FAM20B: variants seen among roughly 807,000 people sequenced by gnomAD.
The protein encoded by FAM20B is FAM20B glycosaminoglycan xylosylkinase.
FAM20B carries 23 observed loss-of-function variants against 43.8 expected under a neutral mutation model. The observed-to-expected ratio is 0.53, with a 90% CI of 0.38 to 0.74. The LOEUF is 0.74. Ranked by LOEUF, FAM20B falls within the 30% of genes least tolerant of loss-of-function variation. FAM20B has a pLI of 0.00. For synonymous variants in FAM20B, 178 were observed against 192.4 expected (o/e 0.93, Z 0.62); for missense variants, 440 against 510.5 (o/e 0.86, Z 1.33).
At chr1:179,024,696 G>A (rs546115532), upstream of FAM20B, among the ~76,000 whole-genome samples, 1 of 152,316 alleles carries the variant, frequency 6.6e-6, no homozygotes, top group South Asian at 2.1e-4. Context: ...ATTGTCCGGA[G>A]CAAGTGTCAA....
upstream of FAM20B, among the ~76,000 whole-genome samples, chr1:179,024,575 G>A (rs1649680401): frequency 6.6e-6 from 1 of 152,090 alleles, no homozygotes; most frequent in African/African-American, 2.4e-5. Flanking sequence ...GCCAGAAAAC[G>A]ACCTCCAAAC....
chr1:179,048,175 G>T (rs752607829), intron 2 of FAM20B, among the ~76,000 whole-genome samples: 1 of 152,092 alleles, frequency 6.6e-6, no homozygotes, highest in Non-Finnish European at 1.5e-5. Flanking sequence ...AAAAGAACAA[G>T]AAGGCAGGGG....
At chr1:179,029,545 A>C (rs1030061593) in intron 1 of FAM20B, among the ~76,000 whole-genome samples, 1 of 152,218 alleles carries the variant, frequency 6.6e-6, no homozygotes, top group Non-Finnish European at 1.5e-5. Context: ...GTGTGAGATA[A>C]GAGAAAAATG....
chr1:179,050,787 C>A (rs1361740386), intron 3 of FAM20B, among the ~76,000 whole-genome samples: 2 of 152,124 alleles, frequency 1.3e-5, no homozygotes, highest in Non-Finnish European at 2.9e-5. Flanking sequence ...TTTTATTATT[C>A]TTTATACAAA....
chr1:179,071,063 G>C (rs1359795499), intron 7 of FAM20B, among the ~76,000 whole-genome samples: 1 of 151,962 alleles, frequency 6.6e-6, no homozygotes. Flanking sequence ...GGGAGGCCGA[G>C]GCGGGCGGAT....
chr1:179,054,663 A>T, intron 4 of FAM20B, 25 bp downstream of exon 4: 1 of 1,369,156 alleles, frequency 7.3e-7, no homozygotes, highest in African/African-American at 1.4e-5. Flanking sequence ...GAGGACATTT[A>T]TATAGGGGAA....
At chr1:179,064,525 G>A (rs1250327052) in intron 6 of FAM20B, 29 bp downstream of exon 6, 1 of 1,571,224 alleles carries the variant, frequency 6.4e-7, no homozygotes, top group Non-Finnish European at 8.7e-7. Context: ...TCCTTGTCAG[G>A]GAGGGGTTTC....
intron 1 of FAM20B, 143 bp downstream of exon 1, chr1:179,026,241 G>A (rs1649767010): frequency 6.6e-6 from 1 of 151,106 alleles, no homozygotes; most frequent in Non-Finnish European, 1.5e-5. Context: ...GCCTCCCTGA[G>A]GGGCCGGGCA....
At chr1:179,049,636 G>T (rs1263627649) in intron 2 of FAM20B, among the ~76,000 whole-genome samples, 1 of 152,158 alleles carries the variant, frequency 6.6e-6, no homozygotes, top group Admixed American at 6.5e-5. Context: ...CGCCTCCCAG[G>T]TTCAAGCGAT....
intron 7 of FAM20B, among the ~76,000 whole-genome samples, chr1:179,067,612 T>A (rs980069703): frequency 6.6e-6 from 1 of 151,702 alleles, no homozygotes; most frequent in Admixed American, 6.6e-5. Flanking sequence ...TCAAAAAAAA[T>A]AAATAATAAA....
At chr1:179,061,220 AG>A (rs1174865474) in intron 4 of FAM20B, among the ~76,000 whole-genome samples, 1 of 151,814 alleles carries the variant, frequency 6.6e-6, no homozygotes, top group Non-Finnish European at 1.5e-5. Flanking sequence ...TTGGAATTAC[AG>A]GTGCACATCA....
intron 7 of FAM20B, among the ~76,000 whole-genome samples, chr1:179,068,524 C>T (rs1651785285): frequency 6.6e-6 from 1 of 152,038 alleles, no homozygotes; most frequent in Admixed American, 6.5e-5. Flanking sequence ...CAGCCTCCAC[C>T]TCCCATGTTC....
chr1:179,042,183 T>C (rs1335098451), intron 1 of FAM20B, among the ~76,000 whole-genome samples: 2 of 152,218 alleles, frequency 1.3e-5, no homozygotes, highest in African/African-American at 2.4e-5. Flanking sequence ...CGTGCTCAGC[T>C]CGTACTACTG....
Position 179,070,515 on chromosome 1 carries a change from C to CT in FAM20B, c.999-1371dup, listed in dbSNP as rs61169246. On this transcript the variant is annotated intron_variant, in intron 7 of 7. Transcript: ENST00000263733. ...GAGGGCAACAAGGGGCTGAACTCGCCTTTTTTTTTTTTTTTTTTTTTTTTT... is the reference window on the plus strand; with the variant it reads ...GAGGGCAACAAGGGGCTGAACTCGCCTTTTTTTTTTTTTTTTTTTTTTTTTT... Among the ~76,000 whole-genome samples the CT allele has an allele frequency of 8.5e-3, 493 of 57,772 alleles. 83 individuals carry two copies. The highest frequency in any genetic ancestry group is 0.034 in the African/African-American group (355 of 10,504). 37.9% of individuals were successfully genotyped at this position (57,772 alleles called of 152,430 possible). A position where few individuals can be genotyped will look rare whatever the true frequency, so the allele number is the denominator to read the frequency against.
At chr1:179,026,756 C>G (rs992367925) in intron 1 of FAM20B, among the ~76,000 whole-genome samples, 1 of 152,232 alleles carries the variant, frequency 6.6e-6, no homozygotes, top group African/African-American at 2.4e-5. Flanking sequence ...GGTGTGACGG[C>G]CCCGCGATTA....
chr1:179,056,184 T>C (rs1651211469), intron 4 of FAM20B, among the ~76,000 whole-genome samples: 1 of 152,234 alleles, frequency 6.6e-6, no homozygotes, highest in South Asian at 2.1e-4. Context: ...CTCTTGGTGT[T>C]GCACATTCTG....
chr1:179,040,264 G>A (rs1650431066), intron 1 of FAM20B, among the ~76,000 whole-genome samples: 3 of 152,222 alleles, frequency 2.0e-5, no homozygotes, highest in Admixed American at 2.0e-4. Flanking sequence ...TCCCAGACGG[G>A]GTGGTGGCCG....
In FAM20B at chr1:179,066,737, CT is replaced by C. The variant is rs545629151; in HGVS notation, c.939-60del. 1.9e-3 allele frequency: 2,165 copies of C among 1,122,344 alleles called. 13 individuals are homozygous for C. Among genetic ancestry groups the C allele is most frequent in the Middle Eastern group, 0.017 (84 of 5,042 alleles). The allele number at this position is 1,122,344 out of a possible 1,614,324, so 69.5% of individuals were successfully genotyped here. On this transcript the variant is annotated intron_variant, in intron 6 of 7. Transcript: ENST00000263733. ...GAGTTTCATATAGAATTTGCTATTG[CT>C]TTGATGCTAAGAAGAGAACAGTACT...
Position 179,043,959 on chromosome 1 carries a change from C to G in FAM20B, c.112C>G (p.Gln38Glu). 1 of 1,614,136 alleles carries G rather than the reference C, an allele frequency of 6.2e-7. No individual in the cohort carries two copies. Among genetic ancestry groups the G allele is most frequent in the South Asian group, 1.1e-5 (1 of 91,084 alleles). The change falls in exon 2 of 8, where the codon CAG becomes GAG. Residue 38 changes from glutamine to glutamate, a missense_variant. Physicochemically the swap from Gln to Glu is conservative, Grantham distance 29. Coordinates refer to ENST00000263733, the MANE Select transcript of FAM20B (RefSeq NM_014864.4). The part of the protein sequence containing the change: ...LDTSAANRED[Q>E]RAFHRMMTGL... ...TACATCAGCTGCCAACCGGGAGGACCAGAGGGCCTTTCACCGAATGATGAC... is the reference window on the plus strand; with the variant it reads ...TACATCAGCTGCCAACCGGGAGGACGAGAGGGCCTTTCACCGAATGATGAC...
Sources: gnomAD v4.1 joint callset for allele counts (sites outside exome capture counted in the v4.1 genomes callset) on GRCh38, gnomAD v4.1.1 for gene constraint, MANE v1.5 for transcripts, NCBI Gene and HGNC (gene_info 2026-07-23, HGNC 2026-07-21) for gene names.